STOX2: variants seen among roughly 807,000 people sequenced by gnomAD.
STOX2 encodes storkhead-box protein 2.
Under a neutral mutation model 60.9 loss-of-function variants are expected in STOX2, and 28 were observed. That is an observed-to-expected ratio of 0.46 (90% CI 0.34 to 0.63). The LOEUF (loss-of-function observed/expected upper bound fraction) is 0.63. STOX2 is among the 30% of genes least tolerant of loss of function. The pLI, the probability that STOX2 is intolerant of heterozygous loss-of-function variation, is 0.01. For missense variants in STOX2, 1,024 were observed against 1,187.7 expected (o/e 0.86, Z 2.03); for synonymous variants, 472 against 463.9 (o/e 1.02, Z -0.22).
intron 1 of STOX2, among the ~76,000 whole-genome samples, chr4:183,948,823 T>G (rs916674957): frequency 1.3e-5 from 2 of 152,076 alleles, no homozygotes; most frequent in Non-Finnish European, 2.9e-5. Context: ...TGAGCCACTG[T>G]GCCGGGCTGC....
chr4:183,839,051 A>G (rs763664669), intron 1 of STOX2, among the ~76,000 whole-genome samples: 26 of 147,118 alleles, frequency 1.8e-4, no homozygotes, highest in South Asian at 4.2e-4. Flanking sequence ...GTACACATGC[A>G]CACACACACA....
At chr4:183,819,089 C>A (rs1465152519) in intron 1 of STOX2, among the ~76,000 whole-genome samples, 1 of 151,304 alleles carries the variant, frequency 6.6e-6, no homozygotes, top group Non-Finnish European at 1.5e-5. Flanking sequence ...GGGCTCCTCA[C>A]ATCCCAGACG....
At chr4:184,008,099 A>AT (rs1287985190) in intron 2 of STOX2, among the ~76,000 whole-genome samples, 4 of 152,186 alleles carry the variant, frequency 2.6e-5, no homozygotes, top group African/African-American at 7.2e-5. Flanking sequence ...TGCAACTGCC[A>AT]TTTTTGTGAG....
intron 1 of STOX2, among the ~76,000 whole-genome samples, chr4:183,799,450 G>A (rs1738710559): frequency 1.3e-5 from 2 of 152,280 alleles, no homozygotes; most frequent in African/African-American, 4.8e-5. Flanking sequence ...TATATGCACC[G>A]TATAGATTGC....
At chr4:183,835,451 C>T (rs372431811) in intron 1 of STOX2, among the ~76,000 whole-genome samples, 81 of 152,184 alleles carry the variant, frequency 5.3e-4, no homozygotes, top group African/African-American at 1.9e-3. Flanking sequence ...GTCTTGATCT[C>T]CTGACCTCGT....
Position 184,011,679 on chromosome 4 carries a change from C to G in STOX2, c.2585+256C>G. 7.2e-7 allele frequency: 1 copy of G among 1,387,344 alleles called. No homozygotes were observed. The highest frequency in any genetic ancestry group is 9.5e-7 in the Non-Finnish European group (1 of 1,055,892). The allele number at this position is 1,387,344 out of a possible 1,614,324, so 85.9% of individuals were successfully genotyped here. A position where few individuals can be genotyped will look rare whatever the true frequency, so the allele number is the denominator to read the frequency against. Reference sequence around the variant, plus strand: ...TCAAACTTGCATCAGTCTGATCTAACTAAAACCAATATTTCCAGTATTTTT... The same window carrying G: ...TCAAACTTGCATCAGTCTGATCTAAGTAAAACCAATATTTCCAGTATTTTT... On this transcript the variant is annotated intron_variant, in intron 3 of 3. Coordinates refer to ENST00000308497, the MANE Select transcript of STOX2 (RefSeq NM_020225.3). The surrounding 1 kb of genome is among the most constrained non-coding windows in gnomAD (Gnocchi z 4.4).
intron 1 of STOX2, among the ~76,000 whole-genome samples, chr4:183,852,989 G>A (rs761828933): frequency 3.3e-5 from 5 of 152,150 alleles, no homozygotes; most frequent in Non-Finnish European, 5.9e-5. Context: ...TGATGAACCC[G>A]GGGCACTTTG....
At chr4:183,868,251 G>A (rs1740617122) in intron 1 of STOX2, among the ~76,000 whole-genome samples, 1 of 152,090 alleles carries the variant, frequency 6.6e-6, no homozygotes, top group Non-Finnish European at 1.5e-5. Context: ...AGAGAGCCAT[G>A]GACAACCATT....
rs747969718 is a variant in STOX2 at position 183,959,787 on chromosome 4, C to T, written c.167-41538C>T. On this transcript the variant is annotated intron_variant, in intron 1 of 3. Coordinates refer to ENST00000308497, the MANE Select transcript of STOX2 (RefSeq NM_020225.3). Reference sequence around the variant, plus strand: ...CTAGATTTCAGAACAGGAAGAACATCTTCAGTGATGTTCATGATTTGGATT... The same window carrying T: ...CTAGATTTCAGAACAGGAAGAACATTTTCAGTGATGTTCATGATTTGGATT... 2.4e-4 allele frequency among the ~76,000 whole-genome samples: 36 copies of T among 152,264 alleles called. No homozygotes were observed. In the Middle Eastern group the frequency reaches 0.01, roughly 43 times the overall value.
At chr4:183,920,171 A>G (rs749855979) in intron 1 of STOX2, among the ~76,000 whole-genome samples, 13 of 152,138 alleles carry the variant, frequency 8.5e-5, no homozygotes, top group Non-Finnish European at 1.9e-4. Flanking sequence ...GCTGGAGCAC[A>G]GTGGCACCAT....
intron 1 of STOX2, among the ~76,000 whole-genome samples, chr4:183,914,646 T>C (rs1364603974): frequency 6.6e-6 from 1 of 152,148 alleles, no homozygotes; most frequent in Non-Finnish European, 1.5e-5. Flanking sequence ...GTGTTCGTTG[T>C]GAACACGAGA....
chr4:183,907,179 G>C (rs1003827008), intron 1 of STOX2, among the ~76,000 whole-genome samples: 2 of 152,130 alleles, frequency 1.3e-5, no homozygotes, highest in Non-Finnish European at 2.9e-5. Flanking sequence ...TAAAACGAGG[G>C]AGGGGGGACG....
At position 183,905,676 on chromosome 4, in the gene STOX2, C is replaced by G. The variant is rs919779680; in HGVS notation, c.-1115C>G. ...CAGGCTGGGGCAGCTGCCAAGGTCC[C>G]CGCGCCGCCGCCGGGTGTTTTACAT... On this transcript the variant is annotated 5_prime_UTR_variant, in exon 1 of 4. Coordinates refer to ENST00000308497, the MANE Select transcript of STOX2 (RefSeq NM_020225.3). 6.6e-6 allele frequency: 1 copy of G among 152,474 alleles called. No individual in the cohort carries two copies. Among genetic ancestry groups the G allele is most frequent in the Non-Finnish European group, 1.5e-5 (1 of 68,260 alleles). 9.4% of individuals were successfully genotyped at this position (152,474 alleles called of 1,614,324 possible).
At chr4:183,929,957 G>T (rs532440855) in intron 1 of STOX2, among the ~76,000 whole-genome samples, 2 of 151,794 alleles carry the variant, frequency 1.3e-5, no homozygotes, top group East Asian at 3.9e-4. Context: ...TCCGCCTCCC[G>T]GGTTCACGCC....
intron 2 of STOX2, among the ~76,000 whole-genome samples, chr4:184,005,572 G>A (rs564981828): frequency 1.3e-5 from 2 of 151,874 alleles, no homozygotes; most frequent in Non-Finnish European, 2.9e-5. Flanking sequence ...TCAGGTTCAG[G>A]CCTGTTAGGA....
intron 1 of STOX2, among the ~76,000 whole-genome samples, chr4:183,931,386 C>T (rs958175146): frequency 1.2e-4 from 19 of 152,016 alleles, no homozygotes; most frequent in African/African-American, 4.4e-4. Context: ...ATTGTGCCAC[C>T]GTACTCCAGC....
intron 1 of STOX2, among the ~76,000 whole-genome samples, chr4:183,936,249 C>A (rs764934319): frequency 6.6e-6 from 1 of 152,138 alleles, no homozygotes; most frequent in Non-Finnish European, 1.5e-5. Context: ...CTGTGTGAAA[C>A]CTTCGCTCTC....
rs1262398872 is a variant in STOX2, at chr4:184,015,992, A to G, written c.2586-1097A>G. 7.2e-5 allele frequency: 11 copies of G among 152,382 alleles called. No homozygotes were observed. The South Asian group carries it at 1.9e-3, about 26-fold the overall frequency. The allele number at this position is 152,382 out of a possible 1,614,324, so 9.4% of individuals were successfully genotyped here. ...GTTCTAAATATCTTAAAGCAATGAA[A>G]TAGATTCAAGTGTTTCTAACTTAGA... is the stretch of plus-strand genomic sequence containing the variant. On this transcript the variant is annotated intron_variant, in intron 3 of 3. Transcript: ENST00000308497.
rs1579434916 is a variant in STOX2, at chr4:183,933,177, A to T, written c.166+26221A>T. Among the ~76,000 whole-genome samples the T allele has an allele frequency of 2.0e-5, 3 of 152,238 alleles. No homozygotes were observed. In the East Asian group the frequency reaches 5.8e-4, roughly 29 times the overall value. ...TCCTGGATAATTTCCGAAGCAGATTATCTGGCTCACGTACAACATTTATTG... is the reference window on the plus strand; with the variant it reads ...TCCTGGATAATTTCCGAAGCAGATTTTCTGGCTCACGTACAACATTTATTG... On this transcript the variant is annotated intron_variant, in intron 1 of 3. Coordinates refer to ENST00000308497, the MANE Select transcript of STOX2 (RefSeq NM_020225.3).
Sources: allele counts gnomAD v4.1 joint callset (sites outside exome capture counted in the v4.1 genomes callset), GRCh38; gene constraint gnomAD v4.1.1; non-coding constraint Gnocchi (gnomAD v3.1); transcripts MANE v1.5; gene names NCBI Gene and HGNC (gene_info 2026-07-23, HGNC 2026-07-21).